SCUBE2: variants seen among roughly 807,000 people sequenced by gnomAD.
SCUBE2 encodes signal peptide, CUB and EGF-like domain-containing protein 2.
In SCUBE2, 114 loss-of-function variants were observed where a neutral mutation model predicts 125.9. The ratio of observed to expected loss-of-function variants is 0.91; its 90% CI spans 0.78 to 1.06. The LOEUF is 1.06. Ranked by LOEUF, SCUBE2 falls within the 50% of genes least tolerant of loss-of-function variation. The probability of loss-of-function intolerance (pLI) is 0.00; values close to 1 mark genes in which losing one functional copy is unlikely to be tolerated. For missense variants in SCUBE2, 1,255 were observed against 1,301.8 expected (o/e 0.96, Z 0.55); for synonymous variants, 459 against 492.9 (o/e 0.93, Z 0.91).
At chr11:9,082,904 A>C (rs1369804509) in intron 2 of SCUBE2, among the ~76,000 whole-genome samples, 1 of 152,212 alleles carries the variant, frequency 6.6e-6, no homozygotes, top group Non-Finnish European at 1.5e-5. Flanking sequence ...TGCACAATTC[A>C]GCTGATTTAC....
rs150530377 is a variant in SCUBE2 at position 9,041,567 on chromosome 11, G to T, written c.2002+5789C>A. Among the ~76,000 whole-genome samples the T allele has an allele frequency of 3.2e-3, 489 of 152,324 alleles. 2 individuals carry two copies. Among genetic ancestry groups the T allele is most frequent in the African/African-American group, 0.011 (469 of 41,584 alleles). ...TTTCCAGGAGAGGGAGTGATCAGCA[G>T]AGAGGATGCCTCATGAGGAGTGAGG... On this transcript the variant is annotated intron_variant, in intron 16 of 22. Coordinates refer to ENST00000649792, the MANE Select transcript of SCUBE2 (RefSeq NM_001367977.2).
intron 8 of SCUBE2, chr11:9,059,664 TG>T (rs1353561435): frequency 1.3e-5 from 7 of 519,400 alleles, no homozygotes; most frequent in Middle Eastern, 4.7e-4. Flanking sequence ...TGCCCTTGAT[TG>T]GCATTAAGGA....
Position 9,089,721 on chromosome 11 carries a change from C to T in SCUBE2, c.242G>A (p.Gly81Asp), listed in dbSNP as rs1862457230. The T allele has an allele frequency of 6.2e-7, 1 of 1,613,694 alleles. No individual in the cohort carries two copies. The change falls in exon 2 of 23, where the codon GGC becomes GAC. Residue 81 changes from glycine (G) to aspartate (D), a missense_variant. Coordinates refer to ENST00000649792, the MANE Select transcript of SCUBE2 (RefSeq NM_001367977.2). ...CSCKPGYQGE[G>D]RQCEDIDECG... is the part of the protein sequence containing the mutation. ...AAGGCACTTACCCTCACACTGCCTG[C>T]CTTCCCCTTGGTAGCCAGGCTTGCA...
At position 9,060,527 on chromosome 11, in the gene SCUBE2, G is replaced by C. The variant is rs1172477356; in HGVS notation, c.851-3C>G. The C allele has an allele frequency of 6.2e-7, 1 of 1,612,100 alleles. No homozygotes were observed. The highest frequency in any genetic ancestry group is 8.5e-7 in the Non-Finnish European group (1 of 1,178,730). On this transcript the variant is annotated splice_region_variant and splice_polypyrimidine_tract_variant and intron_variant, in intron 7 of 22. Coordinates refer to ENST00000649792, the MANE Select transcript of SCUBE2 (RefSeq NM_001367977.2). ...TCCATTGTTGACAGCACACGTTTCT[G>C]GCAAGGAGGTAAGAAAAGACAATTA...
At position 9,021,197 on chromosome 11, in the gene SCUBE2, C is replaced by T. The variant is rs373067273; in HGVS notation, c.2935G>A (p.Asp979Asn). The change falls in exon 23 of 23, where the codon GAT becomes AAT. Residue 979 changes from aspartate to asparagine, a missense_variant and splice_region_variant. Around this residue, in one of 3 missense-constraint regions of SCUBE2, gnomAD observed 515 missense variants for 515.7 expected, o/e 1.00. Coordinates refer to ENST00000649792, the MANE Select transcript of SCUBE2 (RefSeq NM_001367977.2). ...AACAGAGCCTTGATAAGTTTCTTAT[C>T]CTAAAAAGAACAGAATTTTTGTTAC... ...ASENHQEILK[D>N]KKLIKALFDV... 2.6e-6 allele frequency: 4 copies of T among 1,554,560 alleles called. No individual in the cohort carries two copies. The highest frequency in any genetic ancestry group is 2.6e-6 in the Non-Finnish European group (3 of 1,152,884).
chr11:9,075,835 T>C (rs969592278), intron 3 of SCUBE2, among the ~76,000 whole-genome samples: 1 of 152,144 alleles, frequency 6.6e-6, no homozygotes, highest in African/African-American at 2.4e-5. Context: ...GCGGACAAGG[T>C]GCCTGCAGGG....
At chr11:9,055,686 G>A in intron 10 of SCUBE2, 107 bp downstream of exon 10, 1 of 806,316 alleles carries the variant, frequency 1.2e-6, no homozygotes, top group Non-Finnish European at 2.2e-6. Flanking sequence ...GGACTGCAAT[G>A]TACCTTTCAT....
chr11:9,079,047 C>G (rs1273412207), intron 3 of SCUBE2, among the ~76,000 whole-genome samples: 1 of 135,750 alleles, frequency 7.4e-6, no homozygotes, highest in Non-Finnish European at 1.6e-5. Flanking sequence ...AATTCTAAAA[C>G]AGAAACACTT....
In SCUBE2 at chr11:9,055,796, C is replaced by T; in HGVS notation, c.1204G>A (p.Gly402Arg). The stretch of plus-strand genomic sequence containing the variant: ...TTGACAGGGGCAGTCTGCTCACCTC[C>T]ACAGTGGGTGAAGCCATACAGGGTG... ...GYTLYGFTHC[G>R]DTNECSINNG... The change falls in exon 10 of 23, where the codon GGA becomes AGA. Residue 402 changes from glycine to arginine, a missense_variant. By Grantham distance (125) the Gly-to-Arg change is moderately radical. Around this residue, in one of 3 missense-constraint regions of SCUBE2, gnomAD observed 378 missense variants for 463.1 expected, o/e 0.82. Coordinates refer to ENST00000649792, the MANE Select transcript of SCUBE2 (RefSeq NM_001367977.2). 1 of 1,613,516 alleles carries T rather than the reference C, an allele frequency of 6.2e-7. No individual in the cohort carries two copies. The highest frequency in any genetic ancestry group is 8.5e-7 in the Non-Finnish European group (1 of 1,179,504).
rs528453483 is a variant in SCUBE2, at chr11:9,024,485, C to T, written c.2854+1217G>A. On this transcript the variant is annotated intron_variant, in intron 21 of 22. Coordinates refer to ENST00000649792, the MANE Select transcript of SCUBE2 (RefSeq NM_001367977.2). ...AGCCATAGAATATTGTCTTCCCAAACAATTTTGGCACTTGTCATCCTAAAA... is the reference window on the plus strand; with the variant it reads ...AGCCATAGAATATTGTCTTCCCAAATAATTTTGGCACTTGTCATCCTAAAA... 18 of 1,109,282 alleles carry T rather than the reference C, an allele frequency of 1.6e-5. 1 individual carries two copies. In the South Asian group the frequency reaches 2.3e-4, roughly 14 times the overall value. The allele number at this position is 1,109,282 out of a possible 1,614,324, so 68.7% of individuals were successfully genotyped here.
At chr11:9,078,875 G>T (rs1018679081) in intron 3 of SCUBE2, among the ~76,000 whole-genome samples, 1 of 152,168 alleles carries the variant, frequency 6.6e-6, no homozygotes, top group Admixed American at 6.5e-5. Context: ...CTCTAACTCA[G>T]GGGCTAAAAC....
chr11:9,052,883 T>C (rs2135464733), intron 12 of SCUBE2, 51 bp from the exon 13 acceptor site: 1 of 1,417,352 alleles, frequency 7.1e-7, no homozygotes, highest in South Asian at 1.2e-5. Flanking sequence ...TCACAGGCTA[T>C]CCTGGTAGCA....
intron 19 of SCUBE2, among the ~76,000 whole-genome samples, chr11:9,028,734 G>A (rs897079947): frequency 6.6e-6 from 1 of 152,178 alleles, no homozygotes; most frequent in Non-Finnish European, 1.5e-5. Context: ...GCGGAGAATT[G>A]CCTTCAGTCC....
At chr11:9,089,661 T>A (rs1217986940) in intron 2 of SCUBE2, 46 bp downstream of exon 2, 2 of 1,600,484 alleles carry the variant, frequency 1.2e-6, no homozygotes, top group Non-Finnish European at 1.7e-6. Context: ...GCTAAGGAGG[T>A]AGGAGCTTCC....
At chr11:9,027,193 G>A (rs1038114792) in intron 20 of SCUBE2, 171 bp downstream of exon 20, 5 of 647,556 alleles carry the variant, frequency 7.7e-6, no homozygotes, top group African/African-American at 7.3e-5. Flanking sequence ...ACGCTTCAGT[G>A]TGTGGCTTTC....
rs1198686456 is a variant in SCUBE2, at chr11:9,050,617, G to A, written c.1628C>T (p.Pro543Leu). The A allele has an allele frequency of 1.2e-6, 2 of 1,613,486 alleles. No homozygotes were observed. Among genetic ancestry groups the A allele is most frequent in the African/African-American group, 1.3e-5 (1 of 75,032 alleles). Residue 543 changes from proline to leucine, a missense_variant, in exon 14 of 23, where the codon CCA becomes CTA. Coordinates refer to ENST00000649792, the MANE Select transcript of SCUBE2 (RefSeq NM_001367977.2). The stretch of plus-strand genomic sequence containing the variant: ...ACCTGATTCCATACCTGGTAGTGCT[G>A]GTCGCAGACCCTCGGGAAACAGCTC... ...NAELFPEGLR[P>L]ALPEKHSSVK...
At chr11:9,039,233 A>C (rs1856999029) in intron 16 of SCUBE2, among the ~76,000 whole-genome samples, 1 of 149,952 alleles carries the variant, frequency 6.7e-6, no homozygotes, top group Non-Finnish European at 1.5e-5. Context: ...CTGGTACAAC[A>C]GACTGAGCTA....
chr11:9,089,650 A>C (rs1489865955), intron 2 of SCUBE2, 57 bp downstream of exon 2: 21 of 1,591,466 alleles, frequency 1.3e-5, no homozygotes, highest in Non-Finnish European at 1.7e-5. Flanking sequence ...CCACTGCAAG[A>C]GCTAAGGAGG....
intron 6 of SCUBE2, 138 bp from the exon 7 acceptor site, chr11:9,066,118 T>C (rs1343676633): frequency 2.5e-5 from 16 of 637,608 alleles, no homozygotes; most frequent in Non-Finnish European, 4.2e-5. Context: ...AAAAATGTGT[T>C]GTAATGAGGC....
Sources: allele counts gnomAD v4.1 joint callset (sites outside exome capture counted in the v4.1 genomes callset), GRCh38; gene constraint gnomAD v4.1.1; regional missense constraint gnomAD v4.1.1; transcripts MANE v1.5; gene names NCBI Gene and HGNC (gene_info 2026-07-23, HGNC 2026-07-21).